FRMD4A: variants seen among roughly 807,000 people sequenced by gnomAD.
FRMD4A encodes FERM domain-containing protein 4A.
FRMD4A carries 29 observed loss-of-function variants against 129.1 expected under a neutral mutation model. That is an observed-to-expected ratio of 0.22 (90% CI 0.17 to 0.31). FRMD4A has a LOEUF of 0.31. Among genes scored for constraint, FRMD4A ranks in the 10% least tolerant of loss-of-function variants. The pLI is 1.00. For synonymous variants in FRMD4A, 634 were observed against 571.6 expected (o/e 1.11, Z -1.56); for missense variants, 1,272 against 1,375.8 (o/e 0.92, Z 1.19).
intron 2 of FRMD4A, among the ~76,000 whole-genome samples, chr10:14,309,466 C>G (rs187135168): frequency 1.2e-4 from 19 of 152,096 alleles, no homozygotes; most frequent in Non-Finnish European, 2.5e-4. Context: ...AAAAACAAAA[C>G]AAAACAAACA....
chr10:14,194,590 G>T (rs1338344449), intron 2 of FRMD4A, among the ~76,000 whole-genome samples: 3 of 152,054 alleles, frequency 2.0e-5, no homozygotes, highest in Non-Finnish European at 2.9e-5. Context: ...TCGCCTGGGC[G>T]ACACAGCGAG....
intron 15 of FRMD4A, among the ~76,000 whole-genome samples, chr10:13,686,583 A>G (rs922194795): frequency 2.6e-5 from 4 of 152,184 alleles, no homozygotes; most frequent in Admixed American, 1.3e-4. Context: ...CAGAACAGAA[A>G]GTGTCAGAGC....
chr10:13,794,230 A>G (rs896685061), intron 5 of FRMD4A, among the ~76,000 whole-genome samples: 3 of 152,010 alleles, frequency 2.0e-5, no homozygotes, highest in East Asian at 1.9e-4. Flanking sequence ...GGTCTCTACT[A>G]AAAATACAAA....
chr10:14,104,435 A>G (rs1837477646), intron 2 of FRMD4A, among the ~76,000 whole-genome samples: 1 of 152,220 alleles, frequency 6.6e-6, no homozygotes, highest in South Asian at 2.1e-4. Context: ...TAATTGCTCA[A>G]GTCTAGAACC....
chr10:13,659,077 A>T (rs537006743), intron 21 of FRMD4A, among the ~76,000 whole-genome samples: 1 of 152,228 alleles, frequency 6.6e-6, no homozygotes, highest in East Asian at 1.9e-4. Context: ...TTTGCTTAGG[A>T]AACTTTCCAT....
chr10:13,980,326 A>C (rs1403399410), intron 2 of FRMD4A, among the ~76,000 whole-genome samples: 1 of 152,230 alleles, frequency 6.6e-6, no homozygotes, highest in Non-Finnish European at 1.5e-5. Context: ...AGCCCTCCGC[A>C]TTCCAGCATG....
chr10:14,133,151 A>T (rs7069686), intron 2 of FRMD4A, among the ~76,000 whole-genome samples: 1 of 152,018 alleles, frequency 6.6e-6, no homozygotes, highest in African/African-American at 2.4e-5. Flanking sequence ...GCACATGATG[A>T]GGTGAATGAA....
At chr10:14,300,094 C>CT in intron 2 of FRMD4A, among the ~76,000 whole-genome samples, 1 of 151,750 alleles carries the variant, frequency 6.6e-6, no homozygotes, top group Non-Finnish European at 1.5e-5. Context: ...CGTGTAGGAG[C>CT]CCTACACGAA....
intron 9 of FRMD4A, among the ~76,000 whole-genome samples, chr10:13,743,912 C>T (rs529045584): frequency 5.9e-5 from 9 of 152,184 alleles, no homozygotes; most frequent in African/African-American, 1.9e-4. Flanking sequence ...AGATTTGTAG[C>T]AGGGACTCAA....
chr10:14,184,438 T>C (rs1842016612), intron 2 of FRMD4A, among the ~76,000 whole-genome samples: 1 of 151,712 alleles, frequency 6.6e-6, no homozygotes, highest in African/African-American at 2.4e-5. Context: ...GCTTGTTGAG[T>C]AATCTCAGTT....
At chr10:14,009,494 C>T (rs909673949) in intron 2 of FRMD4A, among the ~76,000 whole-genome samples, 2 of 152,150 alleles carry the variant, frequency 1.3e-5, no homozygotes, top group Non-Finnish European at 2.9e-5. Context: ...AGTGTGCTTA[C>T]TTCATTGAAA....
intron 2 of FRMD4A, among the ~76,000 whole-genome samples, chr10:14,174,249 C>T (rs968050858): frequency 4.6e-5 from 7 of 152,062 alleles, no homozygotes; most frequent in Non-Finnish European, 1.0e-4. Context: ...CTCCTCTCCT[C>T]GCCCTGGTCC....
intron 2 of FRMD4A, among the ~76,000 whole-genome samples, chr10:13,885,782 C>G (rs1418763346): frequency 6.6e-6 from 1 of 152,188 alleles, no homozygotes; most frequent in Non-Finnish European, 1.5e-5. Flanking sequence ...CTACTGGTCA[C>G]TCTGCAGTTC....
At chr10:13,656,524 C>T in intron 22 of FRMD4A, 112 bp downstream of exon 22, 1 of 1,194,158 alleles carries the variant, frequency 8.4e-7, no homozygotes, top group African/African-American at 1.6e-5. Context: ...ATTAATGATT[C>T]CCGTTCCTCA....
chr10:14,044,864 G>A lies in FRMD4A; in HGVS notation c.46-185952C>T, dbSNP rs577143560. Among the ~76,000 whole-genome samples the A allele has an allele frequency of 5.6e-4, 86 of 152,244 alleles. 2 individuals are homozygous for A. Among genetic ancestry groups the A allele is most frequent in the African/African-American group, 1.7e-3 (69 of 41,550 alleles). ...GAAGAATATCCAATGCCTATCTCTCGTCTACCAGATTGAATTCAGCGATAC... is the reference window on the plus strand; with the variant it reads ...GAAGAATATCCAATGCCTATCTCTCATCTACCAGATTGAATTCAGCGATAC... On this transcript the variant is annotated intron_variant, in intron 2 of 24. Coordinates refer to ENST00000357447, the MANE Select transcript of FRMD4A (RefSeq NM_018027.5).
intron 6 of FRMD4A, among the ~76,000 whole-genome samples, chr10:13,772,937 G>A (rs961379626): frequency 6.6e-6 from 1 of 152,224 alleles, no homozygotes; most frequent in African/African-American, 2.4e-5. Flanking sequence ...ACATTTTAAT[G>A]TAAGTAAAAG....
At chr10:14,019,729 G>C (rs1291024713) in intron 2 of FRMD4A, among the ~76,000 whole-genome samples, 1 of 152,316 alleles carries the variant, frequency 6.6e-6, no homozygotes, top group Middle Eastern at 3.4e-3. Context: ...GACAGTGATG[G>C]GGCTGATGCC....
chr10:14,005,863 G>A (rs1175017024), intron 2 of FRMD4A, among the ~76,000 whole-genome samples: 5 of 152,198 alleles, frequency 3.3e-5, no homozygotes, highest in African/African-American at 7.2e-5. Flanking sequence ...TGCCTTGTTA[G>A]TGACTCGCAA....
Position 14,131,076 on chromosome 10 carries a change from C to T in FRMD4A, c.45+198982G>A, listed in dbSNP as rs146410490. The stretch of plus-strand genomic sequence containing the variant: ...GTGTGGAATTCCCAGGTAACACCTC[C>T]ATGTTCTTCTATAATTGGCCCTGTT... On this transcript the variant is annotated intron_variant, in intron 2 of 24. Transcript: ENST00000357447. Among the ~76,000 whole-genome samples the T allele has an allele frequency of 3.3e-3, 499 of 152,316 alleles. 4 individuals are homozygous for T. Among genetic ancestry groups the T allele is most frequent in the African/African-American group, 0.012 (481 of 41,580 alleles).
Sources: gnomAD v4.1 joint callset for allele counts (sites outside exome capture counted in the v4.1 genomes callset) on GRCh38, gnomAD v4.1.1 for gene constraint, MANE v1.5 for transcripts, NCBI Gene and HGNC (gene_info 2026-07-23, HGNC 2026-07-21) for gene names.